Variants in NEK10 observed in about 807,000 individuals in gnomAD.
NEK10 encodes serine/threonine-protein kinase Nek10.
In NEK10, 122 loss-of-function variants were observed where a neutral mutation model predicts 159.8. The ratio of observed to expected loss-of-function variants is 0.76; its 90% CI spans 0.66 to 0.89. The LOEUF is 0.89. Ranked by LOEUF, NEK10 falls within the 40% of genes least tolerant of loss-of-function variation. The pLI is 0.00. For missense variants in NEK10, 1,342 were observed against 1,323.1 expected (o/e 1.01, Z -0.22); for synonymous variants, 466 against 457.1 (o/e 1.02, Z -0.25).
In NEK10 at chr3:27,109,349, A is replaced by G. The variant is rs1939290458; in HGVS notation, c.*1923T>C. ...AGTTAAGATCTCGCCATTGCACTCA[A>G]GCCTGGGCAACAGAGTGAGACTCTG... On this transcript the variant is annotated 3_prime_UTR_variant, in exon 36 of 36. Coordinates refer to ENST00000691995, the MANE Select transcript of NEK10 (RefSeq NM_001394966.1). Among the ~76,000 whole-genome samples, 1 of 149,830 alleles carries G rather than the reference A, an allele frequency of 6.7e-6. No individual in the cohort carries two copies. Among genetic ancestry groups the G allele is most frequent in the Non-Finnish European group, 1.5e-5 (1 of 67,598 alleles).
intron 23 of NEK10, among the ~76,000 whole-genome samples, chr3:27,209,436 GCTTT>G (rs1950810808): frequency 6.6e-6 from 1 of 152,188 alleles, no homozygotes. Context: ...TTCTCTAAAT[GCTTT>G]CTATTTCTCT....
At chr3:27,229,033 C>T (rs1401052788) in intron 23 of NEK10, among the ~76,000 whole-genome samples, 1 of 152,166 alleles carries the variant, frequency 6.6e-6, no homozygotes, top group Non-Finnish European at 1.5e-5. Context: ...GATACCCCCC[C>T]TACTGGCCTG....
intron 1 of NEK10, among the ~76,000 whole-genome samples, chr3:27,356,446 GCTGCAGTGAGCC>G (rs1559555220): frequency 6.6e-6 from 1 of 152,140 alleles, no homozygotes; most frequent in African/African-American, 2.4e-5. Context: ...GGAGGTTGAG[GCTGCAGTGAGCC>G]CTCATGGTGT....
intron 23 of NEK10, chr3:27,252,102 C>A: frequency 3.9e-6 from 1 of 255,294 alleles, no homozygotes; most frequent in East Asian, 9.6e-5. Context: ...GTCAACTCCT[C>A]TAGGTCCTGG....
intron 22 of NEK10, among the ~76,000 whole-genome samples, chr3:27,281,906 A>G (rs1035936126): frequency 3.3e-5 from 5 of 152,188 alleles, no homozygotes; most frequent in Non-Finnish European, 7.4e-5. Flanking sequence ...AGGGTTTTAT[A>G]ATTCTTCTGG....
intron 29 of NEK10, among the ~76,000 whole-genome samples, chr3:27,171,400 C>T (rs1233214268): frequency 2.0e-5 from 3 of 152,142 alleles, no homozygotes; most frequent in Admixed American, 6.5e-5. Flanking sequence ...TCTACTTCCC[C>T]TTTCTTCTTC....
chr3:27,141,627 GTTACA>G (rs1369923866), intron 30 of NEK10, 45 bp from the exon 31 acceptor site: 2 of 1,423,184 alleles, frequency 1.4e-6, no homozygotes, highest in African/African-American at 2.8e-5. Context: ...TCTTTCAAAA[GTTACA>G]TTAGTGAAAA....
At chr3:27,171,545 C>G (rs930421051) in intron 29 of NEK10, among the ~76,000 whole-genome samples, 1 of 152,074 alleles carries the variant, frequency 6.6e-6, no homozygotes, top group Non-Finnish European at 1.5e-5. Context: ...GCTGCCCTAC[C>G]CCGCCGGCCC....
intron 31 of NEK10, among the ~76,000 whole-genome samples, chr3:27,137,288 A>G (rs1269035857): frequency 1.3e-5 from 2 of 152,216 alleles, no homozygotes; most frequent in Non-Finnish European, 2.9e-5. Flanking sequence ...AGAGCATAAT[A>G]ATAAGATATT....
intron 22 of NEK10, among the ~76,000 whole-genome samples, chr3:27,274,315 T>C (rs2041604202): frequency 1.3e-5 from 2 of 152,178 alleles, no homozygotes; most frequent in Non-Finnish European, 2.9e-5. Flanking sequence ...GATAAAAGAA[T>C]GCTTTCTGAA....
At chr3:27,342,099 G>A (rs114737882) in intron 5 of NEK10, among the ~76,000 whole-genome samples, 1 of 152,090 alleles carries the variant, frequency 6.6e-6, no homozygotes, top group Non-Finnish European at 1.5e-5. Context: ...AGGACCACAT[G>A]TCCTGTTAAT....
chr3:27,322,527 C>T (rs892408616), intron 5 of NEK10, among the ~76,000 whole-genome samples: 1 of 152,038 alleles, frequency 6.6e-6, no homozygotes, highest in Admixed American at 6.6e-5. Context: ...TTCATAGTAC[C>T]CTAAGATCAA....
chr3:27,241,906 C>T (rs974547624), intron 23 of NEK10, among the ~76,000 whole-genome samples: 3 of 152,204 alleles, frequency 2.0e-5, no homozygotes, highest in African/African-American at 7.2e-5. Flanking sequence ...TGACCTCATG[C>T]TGTCAGACTG....
At chr3:27,210,732 A>G (rs1458917356) in intron 23 of NEK10, among the ~76,000 whole-genome samples, 1 of 152,190 alleles carries the variant, frequency 6.6e-6, no homozygotes, top group African/African-American at 2.4e-5. Flanking sequence ...CAATCTGTCT[A>G]TTATGCATTT....
At chr3:27,342,642 G>A (rs1190339957) in intron 5 of NEK10, among the ~76,000 whole-genome samples, 1 of 152,058 alleles carries the variant, frequency 6.6e-6, no homozygotes, top group Admixed American at 6.6e-5. Context: ...TAAACACCCT[G>A]AAAAGAGATC....
intron 23 of NEK10, among the ~76,000 whole-genome samples, chr3:27,242,312 A>C (rs1362458095): frequency 6.6e-6 from 1 of 152,198 alleles, no homozygotes; most frequent in Non-Finnish European, 1.5e-5. Context: ...TACAGATAAT[A>C]CTATCTACTT....
chr3:27,310,816 C>T, intron 9 of NEK10, 133 bp downstream of exon 9: 1 of 530,958 alleles, frequency 1.9e-6, no homozygotes, highest in South Asian at 3.2e-5. Flanking sequence ...GACAAAGATC[C>T]ACAATCTCAG....
chr3:27,359,998 C>T (rs532302917), intron 1 of NEK10, among the ~76,000 whole-genome samples: 1 of 152,112 alleles, frequency 6.6e-6, no homozygotes, highest in Admixed American at 6.5e-5. Context: ...GGTCAAATTG[C>T]TGGAAAATAA....
chr3:27,253,143 C>A (rs1233677796), intron 23 of NEK10, among the ~76,000 whole-genome samples: 2 of 152,040 alleles, frequency 1.3e-5, no homozygotes, highest in Non-Finnish European at 2.9e-5. Context: ...TTCTAATTAT[C>A]TAGTGTCATA....
Sources: allele counts gnomAD v4.1 joint callset (sites outside exome capture counted in the v4.1 genomes callset), GRCh38; gene constraint gnomAD v4.1.1; transcripts MANE v1.5; gene names NCBI Gene and HGNC (gene_info 2026-07-23, HGNC 2026-07-21).